STON2: variants seen among roughly 807,000 people sequenced by gnomAD.
STON2 encodes the protein stonin 2.
Under a neutral mutation model 65.7 loss-of-function variants are expected in STON2, and 29 were observed. The observed-to-expected ratio is 0.44, with a 90% confidence interval of 0.33 to 0.60. The LOEUF (loss-of-function observed/expected upper bound fraction) is 0.60, where lower values mean the gene tolerates loss of function less well. Ranked by LOEUF, STON2 falls within the 20% of genes least tolerant of loss-of-function variation. The pLI is 0.03. For synonymous variants in STON2, 404 were observed against 414.2 expected (o/e 0.98, Z 0.30); for missense variants, 1,054 against 1,118.1 (o/e 0.94, Z 0.82).
intron 4 of STON2, among the ~76,000 whole-genome samples, chr14:81,342,159 A>G (rs748327765): frequency 2.7e-5 from 4 of 150,582 alleles, no homozygotes; most frequent in Non-Finnish European, 4.4e-5. Flanking sequence ...TTTTTTTTTG[A>G]GATGGAGTTT....
chr14:81,359,906 G>A (rs1034230620), intron 4 of STON2, among the ~76,000 whole-genome samples: 12 of 152,058 alleles, frequency 7.9e-5, no homozygotes, highest in South Asian at 4.2e-4. Context: ...TTCCATCAAA[G>A]AAAAGTCCCA....
intron 2 of STON2, among the ~76,000 whole-genome samples, chr14:81,398,066 T>C (rs1900412878): frequency 6.6e-6 from 1 of 152,174 alleles, no homozygotes; most frequent in South Asian, 2.1e-4. Context: ...AAAGAGCCAC[T>C]ACCTTTGGTG....
chr14:81,424,228 G>C (rs1901855085), intron 2 of STON2, among the ~76,000 whole-genome samples: 1 of 152,096 alleles, frequency 6.6e-6, no homozygotes, highest in Non-Finnish European at 1.5e-5. Context: ...CAGATCACTT[G>C]ATGTCAGGAG....
At chr14:81,313,406 C>T (rs1379442553) in intron 5 of STON2, among the ~76,000 whole-genome samples, 2 of 152,104 alleles carry the variant, frequency 1.3e-5, no homozygotes, top group Non-Finnish European at 2.9e-5. Flanking sequence ...TACTGCATGA[C>T]TCCTACGTGC....
rs561439770 is a variant in STON2, at chr14:81,361,024, C to T, written c.571+9964G>A. Among the ~76,000 whole-genome samples, 6 of 152,162 alleles carry T rather than the reference C, an allele frequency of 3.9e-5. 1 individual carries two copies. The South Asian group carries it at 1.0e-3, about 26-fold the overall frequency. On this transcript the variant is annotated intron_variant, in intron 4 of 7. Transcript: ENST00000614646. ...CAAATAAATGGAAAGATATCTTGTG[C>T]TCATGGATTAGAATAATTCATACTG...
At chr14:81,306,849 A>G (rs772202772) in intron 5 of STON2, 1 of 152,240 alleles carries the variant, frequency 6.6e-6, no homozygotes, top group African/African-American at 2.4e-5. Context: ...CCTTTAACAA[A>G]TTAGCAAGCA....
intron 6 of STON2, among the ~76,000 whole-genome samples, chr14:81,271,896 A>G (rs903448974): frequency 6.6e-6 from 1 of 152,134 alleles, no homozygotes; most frequent in Non-Finnish European, 1.5e-5. Context: ...TTCATTTTAT[A>G]GTCGAGGAAG....
intron 4 of STON2, among the ~76,000 whole-genome samples, chr14:81,364,212 G>A (rs775792380): frequency 3.9e-5 from 6 of 152,198 alleles, no homozygotes; most frequent in Non-Finnish European, 7.3e-5. Context: ...GGAGTCCACT[G>A]TGATCCGTTA....
At chr14:81,376,348 C>A (rs897564155) in intron 3 of STON2, among the ~76,000 whole-genome samples, 1 of 151,894 alleles carries the variant, frequency 6.6e-6, no homozygotes, top group Non-Finnish European at 1.5e-5. Context: ...TAATAAATGT[C>A]TTTATACCAA....
chr14:81,382,109 C>T (rs745305559), intron 3 of STON2, among the ~76,000 whole-genome samples: 1 of 152,034 alleles, frequency 6.6e-6, no homozygotes, highest in East Asian at 1.9e-4. Flanking sequence ...ATCCCAGCTA[C>T]TCAGAAGGCT....
intron 3 of STON2, among the ~76,000 whole-genome samples, chr14:81,377,906 G>A (rs1899329123): frequency 6.6e-6 from 1 of 151,342 alleles, no homozygotes; most frequent in African/African-American, 2.4e-5. Context: ...GGAGTGCAAT[G>A]GCATGATCTC....
intron 7 of STON2, chr14:81,269,873 T>C (rs1435757095): frequency 2.0e-6 from 2 of 985,308 alleles, no homozygotes; most frequent in African/African-American, 1.7e-5. Context: ...GCCCTGACCC[T>C]GTTACTATTA....
rs572540417 is a variant in STON2 at position 81,419,679 on chromosome 14, T to C, written c.-199+7423A>G. Among the ~76,000 whole-genome samples, 6 of 152,314 alleles carry C rather than the reference T, an allele frequency of 3.9e-5. No homozygotes were observed. In the South Asian group the frequency reaches 1.0e-3, roughly 26 times the overall value. On this transcript the variant is annotated intron_variant, in intron 2 of 8. Transcript: ENST00000553821. ...TCTAGAGACCACCTGATGCATAGTG[T>C]TCTTCCCTCTTCCACCTCCACTGGC...
At chr14:81,285,233 A>G (rs2140141115) in intron 5 of STON2, among the ~76,000 whole-genome samples, 1 of 152,366 alleles carries the variant, frequency 6.6e-6, no homozygotes, top group Non-Finnish European at 1.5e-5. Flanking sequence ...ATTGGGGCAA[A>G]GTAAACTGAC....
chr14:81,428,750 A>C (rs1484658214), intron 1 of STON2, among the ~76,000 whole-genome samples: 2 of 152,194 alleles, frequency 1.3e-5, no homozygotes, highest in Admixed American at 6.5e-5. Context: ...AAAACCAAAA[A>C]AACTTAAGAT....
At chr14:81,404,271 T>C (rs186102577), upstream of STON2, among the ~76,000 whole-genome samples, 11 of 152,338 alleles carry the variant, frequency 7.2e-5, no homozygotes, top group Admixed American at 5.9e-4. Context: ...ACTACTGATA[T>C]GTGGTTAATC....
intron 1 of STON2, among the ~76,000 whole-genome samples, chr14:81,429,795 C>T (rs1457687249): frequency 6.6e-6 from 1 of 151,920 alleles, no homozygotes; most frequent in African/African-American, 2.4e-5. Flanking sequence ...ATCAGCTGGG[C>T]GTGATGGTGG....
intron 2 of STON2, among the ~76,000 whole-genome samples, chr14:81,406,805 T>A (rs1451756600): frequency 1.3e-5 from 2 of 152,214 alleles, no homozygotes; most frequent in African/African-American, 4.8e-5. Context: ...ATGGTTTCAG[T>A]GTGCACCTGT....
intron 4 of STON2, among the ~76,000 whole-genome samples, chr14:81,362,250 T>C (rs913286139): frequency 6.6e-6 from 1 of 152,114 alleles, no homozygotes; most frequent in African/African-American, 2.4e-5. Flanking sequence ...CATCAGTGGA[T>C]GAATGGATGA....
Sources: allele counts gnomAD v4.1 joint callset (sites outside exome capture counted in the v4.1 genomes callset), GRCh38; gene constraint gnomAD v4.1.1; transcripts MANE v1.5; gene names NCBI Gene and HGNC (gene_info 2026-07-23, HGNC 2026-07-21).